The following ASTN2 variants were observed in gnomAD, a reference collection of about 807,000 sequenced individuals.
The protein encoded by ASTN2 is astrotactin-2.
Under a neutral mutation model 139.8 loss-of-function variants are expected in ASTN2, and 54 were observed. The ratio of observed to expected loss-of-function variants is 0.39; its 90% CI spans 0.31 to 0.48. The LOEUF (loss-of-function observed/expected upper bound fraction) is 0.48. Ranked by LOEUF, ASTN2 falls within the 20% of genes least tolerant of loss-of-function variation. ASTN2 has a pLI of 0.95. For missense variants in ASTN2, 1,565 were observed against 1,725.1 expected (o/e 0.91, Z 1.64); for synonymous variants, 756 against 719.5 (o/e 1.05, Z -0.81).
At chr9:117,413,773 C>A (rs1430498597) in intron 1 of ASTN2, among the ~76,000 whole-genome samples, 1 of 152,190 alleles carries the variant, frequency 6.6e-6, no homozygotes, top group African/African-American at 2.4e-5. Context: ...GCTGCAAGGA[C>A]AAACCGGCTC....
At chr9:116,841,780 T>G (rs1832269352) in intron 11 of ASTN2, among the ~76,000 whole-genome samples, 1 of 152,250 alleles carries the variant, frequency 6.6e-6, no homozygotes, top group Non-Finnish European at 1.5e-5. Flanking sequence ...GATATGTGCC[T>G]GATGCCTGAC....
intron 2 of ASTN2, among the ~76,000 whole-genome samples, chr9:117,243,959 G>A (rs1397052590): frequency 6.6e-6 from 1 of 152,090 alleles, no homozygotes; most frequent in Admixed American, 6.5e-5. Flanking sequence ...ATCCCCACAT[G>A]TCTAGGGAGA....
In ASTN2 at chr9:117,340,978, G is replaced by A. The variant is rs548346646; in HGVS notation, c.443-49465C>T. The stretch of plus-strand genomic sequence containing the variant: ...CAACCCTGAGAAGGCTCTAGGAGGA[G>A]GCCCTGCTCTTAAGCAGTGCCAGCA... On this transcript the variant is annotated intron_variant, in intron 1 of 22. Coordinates refer to ENST00000313400, the MANE Select transcript of ASTN2 (RefSeq NM_001365068.1). 2.2e-4 allele frequency among the ~76,000 whole-genome samples: 33 copies of A among 152,246 alleles called. No homozygotes were observed. In the South Asian group the frequency reaches 6.8e-3, roughly 32 times the overall value.
chr9:116,662,315 G>A (rs909748247), intron 16 of ASTN2, among the ~76,000 whole-genome samples: 1 of 152,190 alleles, frequency 6.6e-6, no homozygotes, highest in Non-Finnish European at 1.5e-5. Context: ...GCTCATGCCT[G>A]TAATTCCAAC....
At chr9:117,158,505 G>A (rs567057670) in intron 3 of ASTN2, among the ~76,000 whole-genome samples, 1 of 152,158 alleles carries the variant, frequency 6.6e-6, no homozygotes, top group East Asian at 1.9e-4. Context: ...TCATTGATAT[G>A]TTCCTTACTA....
intron 2 of ASTN2, among the ~76,000 whole-genome samples, chr9:117,226,932 G>T (rs1281581348): frequency 6.6e-6 from 1 of 152,180 alleles, no homozygotes; most frequent in Non-Finnish European, 1.5e-5. Flanking sequence ...AAAATACTGT[G>T]CCAACAACAA....
chr9:116,735,015 T>A (rs1471693368), intron 13 of ASTN2, among the ~76,000 whole-genome samples: 1 of 152,212 alleles, frequency 6.6e-6, no homozygotes, highest in Admixed American at 6.5e-5. Context: ...TATCACTTAA[T>A]CTTCACAGCA....
chr9:116,975,464 G>A (rs1020701802), intron 9 of ASTN2, 119 bp from the exon 10 acceptor site: 4 of 1,023,798 alleles, frequency 3.9e-6, no homozygotes, highest in Non-Finnish European at 5.4e-6. Flanking sequence ...CATATCCCCA[G>A]CATTATTTAA....
chr9:116,810,423 T>C (rs1831133424), intron 12 of ASTN2, among the ~76,000 whole-genome samples: 1 of 152,186 alleles, frequency 6.6e-6, no homozygotes, highest in South Asian at 2.1e-4. Context: ...CTACTTAACC[T>C]CTCTGTACCG....
chr9:116,594,075 T>C (rs995143046), intron 19 of ASTN2, among the ~76,000 whole-genome samples: 5 of 152,250 alleles, frequency 3.3e-5, no homozygotes, highest in African/African-American at 1.2e-4. Flanking sequence ...TCAGCTCATA[T>C]GAGCAAGTAT....
intron 3 of ASTN2, among the ~76,000 whole-genome samples, chr9:117,203,237 A>T (rs1010989028): frequency 6.6e-6 from 1 of 151,908 alleles, no homozygotes; most frequent in African/African-American, 2.4e-5. Context: ...CAATTCCTCT[A>T]ACCTCTTCTC....
intron 3 of ASTN2, among the ~76,000 whole-genome samples, chr9:117,156,091 C>T (rs774833981): frequency 4.6e-5 from 7 of 151,902 alleles, no homozygotes; most frequent in Admixed American, 1.3e-4. Context: ...AAGTTAGCTG[C>T]CTTCAATTAA....
At chr9:116,878,923 G>A (rs1833374816) in intron 10 of ASTN2, among the ~76,000 whole-genome samples, 1 of 151,698 alleles carries the variant, frequency 6.6e-6, no homozygotes, top group South Asian at 2.1e-4. Flanking sequence ...AAGTCCTGGG[G>A]TCTCAGGTGT....
At chr9:116,862,992 T>C (rs961625306) in intron 11 of ASTN2, among the ~76,000 whole-genome samples, 2 of 152,166 alleles carry the variant, frequency 1.3e-5, no homozygotes, top group African/African-American at 2.4e-5. Context: ...CGCATCTTCT[T>C]GTGTGACCTT....
At chr9:116,740,380 C>G (rs1168753085) in intron 13 of ASTN2, among the ~76,000 whole-genome samples, 1 of 152,186 alleles carries the variant, frequency 6.6e-6, no homozygotes, top group Non-Finnish European at 1.5e-5. Flanking sequence ...CACATGGATA[C>G]AAATTCTAGC....
intron 3 of ASTN2, among the ~76,000 whole-genome samples, chr9:117,189,274 C>T (rs936934784): frequency 2.6e-5 from 4 of 152,160 alleles, no homozygotes; most frequent in Admixed American, 1.3e-4. Flanking sequence ...TGCCCATTCA[C>T]CCATTCATTT....
intron 19 of ASTN2, among the ~76,000 whole-genome samples, chr9:116,572,175 C>T (rs1025470568): frequency 1.3e-5 from 2 of 152,168 alleles, no homozygotes; most frequent in African/African-American, 4.8e-5. Flanking sequence ...TCCTCCCCTT[C>T]GGGTGCCCCA....
intron 13 of ASTN2, among the ~76,000 whole-genome samples, chr9:116,799,547 C>T (rs1266390847): frequency 2.0e-5 from 3 of 152,078 alleles, no homozygotes; most frequent in Non-Finnish European, 4.4e-5. Context: ...GTAATTTGCT[C>T]AGTCCCCATT....
chr9:117,413,416 G>A (rs775208233), intron 1 of ASTN2, among the ~76,000 whole-genome samples: 1 of 152,242 alleles, frequency 6.6e-6, no homozygotes, highest in African/African-American at 2.4e-5. Flanking sequence ...GGCGCCTCAC[G>A]GGCGCTGTTG....
Sources: gnomAD v4.1 joint callset for allele counts (sites outside exome capture counted in the v4.1 genomes callset) on GRCh38, gnomAD v4.1.1 for gene constraint, MANE v1.5 for transcripts, NCBI Gene and HGNC (gene_info 2026-07-23, HGNC 2026-07-21) for gene names.